DCC: variants seen among roughly 807,000 people sequenced by gnomAD.
DCC encodes netrin receptor DCC.
A neutral mutation model predicts 172.5 loss-of-function variants in DCC; 58 were observed. That is an observed-to-expected ratio of 0.34 (90% CI 0.27 to 0.42). The LOEUF (loss-of-function observed/expected upper bound fraction) is 0.42. DCC is among the 10% of genes least tolerant of loss of function. DCC has a pLI of 1.00. For missense variants in DCC, 1,740 were observed against 1,791.0 expected (o/e 0.97, Z 0.51); for synonymous variants, 709 against 644.5 (o/e 1.10, Z -1.52).
intron 12 of DCC, among the ~76,000 whole-genome samples, chr18:53,257,941 A>G (rs181011820): frequency 1.5e-3 from 232 of 152,208 alleles, no homozygotes; most frequent in African/African-American, 5.2e-3. Flanking sequence ...TAGTCTTGGG[A>G]GGGCGTATGT....
intron 7 of DCC, among the ~76,000 whole-genome samples, chr18:53,069,009 A>G (rs914278304): frequency 6.6e-6 from 1 of 152,074 alleles, no homozygotes; most frequent in African/African-American, 2.4e-5. Context: ...CAGTGCTGAG[A>G]CAACATGGTG....
chr18:52,501,680 C>T (rs2031026753), intron 1 of DCC, among the ~76,000 whole-genome samples: 1 of 152,064 alleles, frequency 6.6e-6, no homozygotes, highest in Non-Finnish European at 1.5e-5. Context: ...AGAATTTAAG[C>T]CCATGTCGGT....
At chr18:52,939,497 A>G (rs2040429017) in intron 5 of DCC, among the ~76,000 whole-genome samples, 1 of 152,136 alleles carries the variant, frequency 6.6e-6, no homozygotes, top group South Asian at 2.1e-4. Context: ...TTTACTTACT[A>G]TGTCCCCAAA....
At chr18:52,445,042 G>T (rs1001344234) in intron 1 of DCC, among the ~76,000 whole-genome samples, 1 of 152,052 alleles carries the variant, frequency 6.6e-6, no homozygotes, top group Non-Finnish European at 1.5e-5. Flanking sequence ...ACAGTCTAGT[G>T]GGGGTGGGAC....
intron 27 of DCC, among the ~76,000 whole-genome samples, chr18:53,517,456 A>ATAT (rs1555682036): frequency 4.1e-5 from 6 of 147,534 alleles, no homozygotes; most frequent in Admixed American, 1.4e-4. Context: ...AATAATAATA[A>ATAT]TAATAATAAT....
intron 1 of DCC, among the ~76,000 whole-genome samples, chr18:52,465,368 T>C (rs776253633): frequency 6.6e-6 from 1 of 152,180 alleles, no homozygotes; most frequent in Non-Finnish European, 1.5e-5. Context: ...CTGACTTTTT[T>C]TCTCCCCGTT....
At chr18:52,603,880 C>T (rs936850866) in intron 1 of DCC, among the ~76,000 whole-genome samples, 2 of 49,524 alleles carry the variant, frequency 4.0e-5, no homozygotes, top group Non-Finnish European at 1.4e-4. Flanking sequence ...TTCATTTTTC[C>T]TCTCATTTTA....
At chr18:52,709,934 A>G (rs866015845) in intron 1 of DCC, among the ~76,000 whole-genome samples, 1 of 152,234 alleles carries the variant, frequency 6.6e-6, no homozygotes, top group South Asian at 2.1e-4. Context: ...TACAGAATTA[A>G]AAAGAAACAA....
At chr18:52,587,868 G>A (rs1410704628) in intron 1 of DCC, among the ~76,000 whole-genome samples, 2 of 152,224 alleles carry the variant, frequency 1.3e-5, no homozygotes, top group Non-Finnish European at 2.9e-5. Context: ...ACAGGCTGGG[G>A]ATGAGAAGGT....
At chr18:52,669,311 T>C (rs925489018) in intron 1 of DCC, among the ~76,000 whole-genome samples, 3 of 152,228 alleles carry the variant, frequency 2.0e-5, no homozygotes, top group African/African-American at 4.8e-5. Context: ...CAGAATCTTG[T>C]AGCCTCCAGC....
intron 5 of DCC, among the ~76,000 whole-genome samples, chr18:52,961,487 G>GTT (rs1248475511): frequency 6.6e-6 from 1 of 152,056 alleles, no homozygotes; most frequent in Non-Finnish European, 1.5e-5. Flanking sequence ...TTGTCTGACA[G>GTT]TTTATTTCAG....
At chr18:53,105,377 C>G (rs1003212086) in intron 7 of DCC, among the ~76,000 whole-genome samples, 1 of 151,994 alleles carries the variant, frequency 6.6e-6, no homozygotes, top group African/African-American at 2.4e-5. Flanking sequence ...ATTTCCCGAG[C>G]TTATCTGTCT....
At chr18:52,616,109 T>G (rs936931166) in intron 1 of DCC, among the ~76,000 whole-genome samples, 8 of 152,138 alleles carry the variant, frequency 5.3e-5, no homozygotes, top group Non-Finnish European at 8.8e-5. Context: ...AAACTGAAAT[T>G]GACACTGGTA....
intron 1 of DCC, among the ~76,000 whole-genome samples, chr18:52,669,636 G>T (rs1434754551): frequency 6.6e-6 from 1 of 152,118 alleles, no homozygotes; most frequent in Non-Finnish European, 1.5e-5. Flanking sequence ...CAAATACACG[G>T]TGCATATATT....
In DCC at chr18:52,683,381, A is replaced by G. The variant is rs529628943; in HGVS notation, c.92-68673A>G. ...CTACTAATCCTGTTTACCAGGCTAG[A>G]GAACATGGAGCTCTTTATTCTTCTA... On this transcript the variant is annotated intron_variant, in intron 1 of 28. Coordinates refer to ENST00000442544, the MANE Select transcript of DCC (RefSeq NM_005215.4). 2.0e-5 allele frequency among the ~76,000 whole-genome samples: 3 copies of G among 152,266 alleles called. No individual in the cohort carries two copies. The South Asian group carries it at 6.2e-4, about 32-fold the overall frequency.
intron 9 of DCC, among the ~76,000 whole-genome samples, chr18:53,190,458 CTGTGTGT>C (rs2055349232): frequency 6.8e-6 from 1 of 146,262 alleles, no homozygotes; most frequent in Admixed American, 6.8e-5. Context: ...ACTGCTAACT[CTGTGTGT>C]GTGTGTGTGT....
rs1400157939 is a variant in DCC, at chr18:52,779,112, C to A, written c.412+26738C>A. On this transcript the variant is annotated intron_variant, in intron 2 of 28. Transcript: ENST00000442544. ...TTGGAAAATTATCTTTCACCTTGTT[C>A]TTTTCAAGTGTATGTTGGCTTCTGA... Among the ~76,000 whole-genome samples the A allele has an allele frequency of 2.0e-5, 3 of 152,198 alleles. No individual in the cohort carries two copies. In the East Asian group the frequency reaches 5.8e-4, roughly 29 times the overall value.
intron 15 of DCC, among the ~76,000 whole-genome samples, chr18:53,352,049 TATCAA>T (rs915725445): frequency 2.0e-5 from 3 of 152,060 alleles, no homozygotes; most frequent in African/African-American, 7.2e-5. Context: ...AGGAGCCTGG[TATCAA>T]ATCAAAATCT....
At chr18:52,666,828 T>C (rs977874869) in intron 1 of DCC, among the ~76,000 whole-genome samples, 3 of 152,232 alleles carry the variant, frequency 2.0e-5, no homozygotes, top group African/African-American at 7.2e-5. Flanking sequence ...TACCTCTGCT[T>C]ATAATTTGAA....
Sources: gnomAD v4.1 joint callset for allele counts (sites outside exome capture counted in the v4.1 genomes callset) on GRCh38, gnomAD v4.1.1 for gene constraint, MANE v1.5 for transcripts, NCBI Gene and HGNC (gene_info 2026-07-23, HGNC 2026-07-21) for gene names.